The following MRPS25 variants were observed in gnomAD, a reference collection of about 807,000 sequenced individuals.
MRPS25 encodes the protein small ribosomal subunit protein mS25.
A neutral mutation model predicts 17.3 loss-of-function variants in MRPS25; 15 were observed. The ratio of observed to expected loss-of-function variants is 0.87; its 90% CI spans 0.58 to 1.34. The LOEUF is 1.34. Ranked by LOEUF, MRPS25 falls within the 40% of genes most tolerant of loss-of-function variation. The probability of loss-of-function intolerance (pLI) is 0.00; values close to 1 mark genes in which losing one functional copy is unlikely to be tolerated. For synonymous variants in MRPS25, 94 were observed against 83.3 expected, an observed-to-expected ratio of 1.13 and a Z score of -0.70; for missense variants, 225 against 218.6, an observed-to-expected ratio of 1.03 and a Z score of -0.19.
chr3:15,063,373 T>C (rs2042806274), intron 1 of MRPS25, among the ~76,000 whole-genome samples: 2 of 152,078 alleles, frequency 1.3e-5, no homozygotes, highest in African/African-American at 4.8e-5. Flanking sequence ...CCCCAGCAGG[T>C]ACCCAAAGAC....
rs2042579727 is a variant in MRPS25, at chr3:15,050,028, TCA to T, written c.*2411_*2412del. On this transcript the variant is annotated 3_prime_UTR_variant, in exon 4 of 4. Coordinates refer to ENST00000253686, the MANE Select transcript of MRPS25 (RefSeq NM_022497.5). ...GAACATGTTATCAATTATAAAATCC[TCA>T]CATTTTCTCTAATTAATTTTCTCCC... 1.4e-6 allele frequency: 2 copies of T among 1,459,912 alleles called. No individual in the cohort carries two copies. The highest frequency in any genetic ancestry group is 1.8e-6 in the Non-Finnish European group (2 of 1,120,870). The allele number at this position is 1,459,912 out of a possible 1,614,324, so 90.4% of individuals were successfully genotyped here. A position where few individuals can be genotyped will look rare whatever the true frequency, so the allele number is the denominator to read the frequency against.
intron 2 of MRPS25, 108 bp from the exon 3 acceptor site, chr3:15,053,575 T>C (rs1559327188): frequency 8.7e-7 from 1 of 1,153,414 alleles, no homozygotes; most frequent in Non-Finnish European, 1.3e-6. Context: ...ATTTTAATAA[T>C]AAAATAGATA....
chr3:15,063,236 G>A (rs868022082), intron 1 of MRPS25, among the ~76,000 whole-genome samples: 5 of 152,104 alleles, frequency 3.3e-5, no homozygotes, highest in African/African-American at 4.8e-5. Context: ...TCTGGCCTTC[G>A]ATCACACTGT....
downstream of MRPS25, chr3:15,043,965 C>T (rs1445534030): frequency 1.3e-5 from 2 of 152,216 alleles, no homozygotes; most frequent in Non-Finnish European, 2.9e-5. Context: ...GCATTTTGAG[C>T]TCTTGACAGT....
chr3:15,064,365 A>G (rs772157266), intron 1 of MRPS25, among the ~76,000 whole-genome samples: 1 of 152,094 alleles, frequency 6.6e-6, no homozygotes, highest in African/African-American at 2.4e-5. Flanking sequence ...GCTGAAAGAC[A>G]TCCTAGGCGT....
In MRPS25 at chr3:15,052,319, A is replaced by G. The variant is rs2042615873; in HGVS notation, c.*122T>C. On this transcript the variant is annotated 3_prime_UTR_variant, in exon 4 of 4. Transcript: ENST00000253686. ...TACACAGGTGTGTAAAGTCCTTTTA[A>G]TGCAAAAGGATTTCCAGAGTCTCCA... 7 of 1,484,908 alleles carry G rather than the reference A, an allele frequency of 4.7e-6. No individual in the cohort carries two copies. The Middle Eastern group carries it at 5.7e-4, about 121-fold the overall frequency. The allele number at this position is 1,484,908 out of a possible 1,614,324, so 92.0% of individuals were successfully genotyped here.
chr3:15,054,208 C>T (rs2042641826), intron 2 of MRPS25, among the ~76,000 whole-genome samples: 1 of 149,546 alleles, frequency 6.7e-6, no homozygotes, highest in Non-Finnish European at 1.5e-5. Flanking sequence ...GAGACTTTGT[C>T]TCGAAAAAAA....
chr3:15,052,283 C>A lies in MRPS25; in HGVS notation c.*158G>T, dbSNP rs145943452. ...CAGCTCAGCTTCAGACCCTCCTCTC[C>A]CACATCCTTTTACACAGGTGTGTAA... On this transcript the variant is annotated 3_prime_UTR_variant, in exon 4 of 4. Transcript: ENST00000253686. The A allele has an allele frequency of 3.3e-5, 47 of 1,404,196 alleles. No homozygotes were observed. The highest frequency in any genetic ancestry group is 1.2e-4 in the Admixed American group (4 of 33,760). 87.0% of individuals were successfully genotyped at this position (1,404,196 alleles called of 1,614,324 possible). A position where few individuals can be genotyped will look rare whatever the true frequency, so the allele number is the denominator to read the frequency against.
chr3:15,062,698 G>C (rs1297494807), intron 1 of MRPS25, among the ~76,000 whole-genome samples: 1 of 152,174 alleles, frequency 6.6e-6, no homozygotes, highest in Non-Finnish European at 1.5e-5. Flanking sequence ...GTAGACATGG[G>C]AGACTTTTCA....
chr3:15,052,233 C>A lies in MRPS25; in HGVS notation c.*208G>T. ...TGCTATTAGGAAGCGTTTTATTGAC[C>A]AGCAGAGCAGGGATATTCATTTAGC... On this transcript the variant is annotated 3_prime_UTR_variant, in exon 4 of 4. Coordinates refer to ENST00000253686, the MANE Select transcript of MRPS25 (RefSeq NM_022497.5). The A allele has an allele frequency of 7.7e-7, 1 of 1,300,104 alleles. No homozygotes were observed. 80.5% of individuals were successfully genotyped at this position (1,300,104 alleles called of 1,614,324 possible). A position where few individuals can be genotyped will look rare whatever the true frequency, so the allele number is the denominator to read the frequency against.
chr3:15,058,982 G>C (rs1209926005), intron 2 of MRPS25, among the ~76,000 whole-genome samples: 1 of 151,788 alleles, frequency 6.6e-6, no homozygotes, highest in African/African-American at 2.4e-5. Flanking sequence ...TGCAGGGAAG[G>C]CTTCCTAGAA....
Position 15,052,379 on chromosome 3 carries a change from A to G in MRPS25, c.*62T>C. 1 of 1,557,328 alleles carries G rather than the reference A, an allele frequency of 6.4e-7. No individual in the cohort carries two copies. Among genetic ancestry groups the G allele is most frequent in the Admixed American group, 1.9e-5 (1 of 51,990 alleles). ...CCAGGGGCTTCCCTGGGCCAAAGTA[A>G]TCCCATTCCAATCTCCCCACTGGTC... On this transcript the variant is annotated 3_prime_UTR_variant, in exon 4 of 4. Coordinates refer to ENST00000253686, the MANE Select transcript of MRPS25 (RefSeq NM_022497.5).
At chr3:15,061,464 A>G (rs2042756962) in intron 1 of MRPS25, among the ~76,000 whole-genome samples, 1 of 152,194 alleles carries the variant, frequency 6.6e-6, no homozygotes, top group Admixed American at 6.5e-5. Context: ...GTGATCCGCC[A>G]GCCTCGGCCT....
At chr3:15,062,854 C>T (rs1180619135) in intron 1 of MRPS25, among the ~76,000 whole-genome samples, 2 of 152,090 alleles carry the variant, frequency 1.3e-5, no homozygotes, top group Non-Finnish European at 2.9e-5. Context: ...CTTTGTTAAA[C>T]AGATGCTTGA....
At position 15,050,774 on chromosome 3, in the gene MRPS25, C is replaced by T. The variant is rs143862984; in HGVS notation, c.*1667G>A. ...ATCAGTCTCTGCCCACCTTCCCCTC[C>T]CACCCCCGACAAGCCATCACCCCAA... On this transcript the variant is annotated 3_prime_UTR_variant, in exon 4 of 4. Coordinates refer to ENST00000253686, the MANE Select transcript of MRPS25 (RefSeq NM_022497.5). 995 of 985,406 alleles carry T rather than the reference C, an allele frequency of 1.0e-3. 2 individuals are homozygous for T. In the African/African-American group the frequency reaches 0.016, roughly 16 times the overall value. 61.0% of individuals were successfully genotyped at this position (985,406 alleles called of 1,614,324 possible).
chr3:15,048,250 C>T (rs1434820788), downstream of MRPS25: 3 of 152,654 alleles, frequency 2.0e-5, no homozygotes, highest in African/African-American at 7.2e-5. Context: ...CCTCATCCCA[C>T]AAGATTGTGC....
chr3:15,044,384 C>T (rs940766534), downstream of MRPS25: 1 of 152,186 alleles, frequency 6.6e-6, no homozygotes. Flanking sequence ...TTAAAAACAA[C>T]CCTCAATTTC....
At position 15,065,095 on chromosome 3, in the gene MRPS25, A is replaced by T; in HGVS notation, c.100T>A (p.Tyr34Asn). ...KDSVKVMTVNYNTHGELGEGA... is the reference protein window; with the variant it reads ...KDSVKVMTVNNNTHGELGEGA... ...TCGCCCAGCTCCCCATGCGTGTTGT[A>T]ATTCACTGTCATGACCTTCACGGAG... The change falls in exon 1 of 4, where the codon TAC (tyrosine) becomes AAC (asparagine). Residue 34 changes from tyrosine (Y) to asparagine (N), a missense_variant. Coordinates refer to ENST00000253686, the MANE Select transcript of MRPS25 (RefSeq NM_022497.5). 2 of 1,607,480 alleles carry T rather than the reference A, an allele frequency of 1.2e-6. No homozygotes were observed. The highest frequency in any genetic ancestry group is 1.3e-5 in the African/African-American group (1 of 74,934).
At chr3:15,062,808 T>A (rs1021860326) in intron 1 of MRPS25, among the ~76,000 whole-genome samples, 2 of 152,172 alleles carry the variant, frequency 1.3e-5, no homozygotes, top group Non-Finnish European at 2.9e-5. Flanking sequence ...CTGTGTCCAC[T>A]CAGGGTTAAA....
Sources: gnomAD v4.1 joint callset for allele counts (sites outside exome capture counted in the v4.1 genomes callset) on GRCh38, gnomAD v4.1.1 for gene constraint, MANE v1.5 for transcripts, NCBI Gene and HGNC (gene_info 2026-07-23, HGNC 2026-07-21) for gene names.